Variants in ZC3H6 observed in about 807,000 individuals in gnomAD.
The protein encoded by ZC3H6 is zinc finger CCCH domain-containing protein 6.
ZC3H6 carries 40 observed loss-of-function variants against 107.7 expected under a neutral mutation model. The observed-to-expected ratio is 0.37, with a 90% CI of 0.29 to 0.48. The LOEUF (loss-of-function observed/expected upper bound fraction) is 0.48, where lower values mean the gene tolerates loss of function less well. ZC3H6 is among the 20% of genes least tolerant of loss of function. The pLI, the probability that ZC3H6 is intolerant of heterozygous loss-of-function variation, is 0.98. For synonymous variants in ZC3H6, 493 were observed against 487.9 expected, an observed-to-expected ratio of 1.01 and a Z score of -0.14; for missense variants, 1,267 against 1,410.4, an observed-to-expected ratio of 0.90 and a Z score of 1.63.
chr2:112,291,472 A>T (rs1246413758), intron 1 of ZC3H6, among the ~76,000 whole-genome samples: 1 of 152,078 alleles, frequency 6.6e-6, no homozygotes, highest in Non-Finnish European at 1.5e-5. Context: ...GACCTCAGGT[A>T]ATCCGTCCGC....
At chr2:112,286,883 G>GT (rs775001828) in intron 1 of ZC3H6, among the ~76,000 whole-genome samples, 14 of 152,158 alleles carry the variant, frequency 9.2e-5, no homozygotes, top group Non-Finnish European at 2.1e-4. Flanking sequence ...TTAGGCCAAA[G>GT]TATAATTTGG....
chr2:112,294,431 A>G (rs1676188118), intron 1 of ZC3H6, among the ~76,000 whole-genome samples: 1 of 152,256 alleles, frequency 6.6e-6, no homozygotes, highest in African/African-American at 2.4e-5. Context: ...AAGAAATCCT[A>G]GAGATTCTGA....
intron 8 of ZC3H6, 130 bp from the exon 9 acceptor site, chr2:112,322,519 G>A: frequency 9.8e-7 from 1 of 1,023,140 alleles, no homozygotes; most frequent in Non-Finnish European, 1.4e-6. Context: ...GAGATTAAAG[G>A]CGTGAGCCAC....
At chr2:112,284,947 A>G (rs1262264806) in intron 1 of ZC3H6, among the ~76,000 whole-genome samples, 1 of 152,208 alleles carries the variant, frequency 6.6e-6, no homozygotes, top group Non-Finnish European at 1.5e-5. Flanking sequence ...ATGGTATAAA[A>G]TAACTAAAAA....
At position 112,322,701 on chromosome 2, in the gene ZC3H6, A is replaced by G; in HGVS notation, c.1139A>G (p.Glu380Gly). 1 of 1,613,098 alleles carries G rather than the reference A, an allele frequency of 6.2e-7. No individual in the cohort carries two copies. Among genetic ancestry groups the G allele is most frequent in the Non-Finnish European group, 8.5e-7 (1 of 1,179,670 alleles). Reference protein sequence around the residue: ...LINEDERELEELRKRGITPLP... With the variant: ...LINEDERELEGLRKRGITPLP... Reference sequence around the variant, plus strand: ...AATGAAGATGAAAGAGAATTAGAGGAACTTAGAAAGCGTGGCATAACTCCT... The same window carrying G: ...AATGAAGATGAAAGAGAATTAGAGGGACTTAGAAAGCGTGGCATAACTCCT... The change falls in exon 9 of 12, where the codon GAA becomes GGA. Residue 380 changes from glutamate (E) to glycine (G), a missense_variant. Transcript: ENST00000409871.
intron 1 of ZC3H6, among the ~76,000 whole-genome samples, chr2:112,278,670 A>C (rs1243917480): frequency 1.3e-5 from 2 of 152,240 alleles, no homozygotes; most frequent in East Asian, 3.8e-4. Context: ...TTGTGTATGC[A>C]GGAAAAAAAA....
chr2:112,332,933 G>T lies in ZC3H6; in HGVS notation c.*445G>T, dbSNP rs1203169134. On this transcript the variant is annotated 3_prime_UTR_variant, in exon 12 of 12. Transcript: ENST00000409871. ...AGCACAGAACTGATTAATATGTAATGCTACCTGCTAATTAAAATGTAAAAT... is the reference window on the plus strand; with the variant it reads ...AGCACAGAACTGATTAATATGTAATTCTACCTGCTAATTAAAATGTAAAAT... The T allele has an allele frequency of 6.5e-6, 1 of 152,922 alleles. No homozygotes were observed. Among genetic ancestry groups the T allele is most frequent in the African/African-American group, 2.4e-5 (1 of 41,444 alleles). The allele number at this position is 152,922 out of a possible 1,614,324, so 9.5% of individuals were successfully genotyped here.
At chr2:112,276,796 T>G (rs1686435012) in intron 1 of ZC3H6, among the ~76,000 whole-genome samples, 1 of 152,212 alleles carries the variant, frequency 6.6e-6, no homozygotes, top group Non-Finnish European at 1.5e-5. Flanking sequence ...CATACTTAAA[T>G]TTTGGTTATA....
At chr2:112,285,557 C>T (rs1261701916) in intron 1 of ZC3H6, among the ~76,000 whole-genome samples, 3 of 151,004 alleles carry the variant, frequency 2.0e-5, no homozygotes, top group African/African-American at 7.3e-5. Context: ...GGGGTTTCAC[C>T]ATGTTGGCCA....
At position 112,331,859 on chromosome 2, in the gene ZC3H6, T is replaced by A; in HGVS notation, c.2941T>A (p.Ser981Thr). The A allele has an allele frequency of 6.2e-7, 1 of 1,613,590 alleles. No homozygotes were observed. Among genetic ancestry groups the A allele is most frequent in the Non-Finnish European group, 8.5e-7 (1 of 1,179,824 alleles). ...PRLHRLPNTESHQVVMKDSHA... is the reference protein window; with the variant it reads ...PRLHRLPNTETHQVVMKDSHA... ...GCTTCACAGACTGCCCAATACAGAG[T>A]CTCATCAAGTGGTTATGAAGGATTC... The change falls in exon 12 of 12, where the codon TCT becomes ACT. Residue 981 changes from serine (S) to threonine (T), a missense_variant. Transcript: ENST00000409871.
intron 1 of ZC3H6, among the ~76,000 whole-genome samples, chr2:112,284,277 T>G (rs1281824328): frequency 6.6e-6 from 1 of 152,226 alleles, no homozygotes; most frequent in Non-Finnish European, 1.5e-5. Context: ...TATAAGCACA[T>G]GAAAATGGAA....
In ZC3H6 at chr2:112,324,095, C is replaced by T. The variant is rs114574948; in HGVS notation, c.1341-57C>T. 2.7e-6 allele frequency: 4 copies of T among 1,495,016 alleles called. No individual in the cohort carries two copies. In the African/African-American group the frequency reaches 4.2e-5, roughly 16 times the overall value. 92.6% of individuals were successfully genotyped at this position (1,495,016 alleles called of 1,614,324 possible). On this transcript the variant is annotated intron_variant, in intron 9 of 11. Transcript: ENST00000409871. ...ACCAATATCTGTTTAGAAGTGTTAA[C>T]ATTCTTGTTTGTTTCTTTTTCTTTG...
chr2:112,331,256 A>C lies in ZC3H6; in HGVS notation c.2338A>C (p.Arg780=), dbSNP rs377031349. The C allele has an allele frequency of 6.8e-6, 11 of 1,613,696 alleles. No homozygotes were observed. The African/African-American group carries it at 1.5e-4, about 22-fold the overall frequency. ...TTCTGAGTCTGCCCCACTGGATCTT[A>C]GACTTGCGTGGGATCCCAGGAAATT... is the stretch of plus-strand genomic sequence containing the variant. ...KPSESAPLDL[R]LAWDPRKLRG... is the part of the protein sequence containing the mutation. Residue 780 remains arginine (R), a synonymous_variant, in exon 12 of 12, where the codon AGA becomes CGA. Transcript: ENST00000409871.
intron 1 of ZC3H6, among the ~76,000 whole-genome samples, chr2:112,283,782 T>C (rs1444388365): frequency 6.6e-6 from 1 of 152,262 alleles, no homozygotes; most frequent in African/African-American, 2.4e-5. Flanking sequence ...ATCGTTACTC[T>C]GGTATCAGTT....
At chr2:112,316,315 A>G (rs536291393) in intron 5 of ZC3H6, among the ~76,000 whole-genome samples, 155 bp from the exon 6 acceptor site, 67 of 152,278 alleles carry the variant, frequency 4.4e-4, no homozygotes, top group Non-Finnish European at 4.1e-4. Context: ...TACTAGACAC[A>G]TATCTCTCTC....
At chr2:112,309,006 C>G (rs1676544201) in intron 3 of ZC3H6, among the ~76,000 whole-genome samples, 1 of 151,966 alleles carries the variant, frequency 6.6e-6, no homozygotes, top group South Asian at 2.1e-4. Flanking sequence ...GAGCCAAGAT[C>G]ATGCCACTGC....
intron 3 of ZC3H6, among the ~76,000 whole-genome samples, chr2:112,304,658 A>T (rs918289361): frequency 1.3e-5 from 2 of 152,316 alleles, no homozygotes; most frequent in East Asian, 1.9e-4. Flanking sequence ...CCAAATATAC[A>T]GTATTTTGTG....
chr2:112,275,917 G>A lies in ZC3H6; in HGVS notation c.-78G>A, dbSNP rs1300476989. 3 of 1,340,498 alleles carry A rather than the reference G, an allele frequency of 2.2e-6. No homozygotes were observed. Among genetic ancestry groups the A allele is most frequent in the South Asian group, 2.8e-5 (2 of 70,732 alleles). The allele number at this position is 1,340,498 out of a possible 1,614,324, so 83.0% of individuals were successfully genotyped here. On this transcript the variant is annotated 5_prime_UTR_variant, in exon 1 of 12. Transcript: ENST00000409871. ...CCGGGAGCAGGTTCCCGCAGGCGGCGCGGGGGGTCTTCCCCGCGCCCCGCC... is the reference window on the plus strand; with the variant it reads ...CCGGGAGCAGGTTCCCGCAGGCGGCACGGGGGGTCTTCCCCGCGCCCCGCC...
At chr2:112,297,224 A>G (rs913980297) in intron 1 of ZC3H6, among the ~76,000 whole-genome samples, 15 of 152,344 alleles carry the variant, frequency 9.8e-5, no homozygotes, top group Middle Eastern at 3.4e-3. Context: ...CAATCTTATT[A>G]AGACCACGTC....
Sources: allele counts gnomAD v4.1 joint callset (sites outside exome capture counted in the v4.1 genomes callset), GRCh38; gene constraint gnomAD v4.1.1; transcripts MANE v1.5; gene names NCBI Gene and HGNC (gene_info 2026-07-23, HGNC 2026-07-21).